Variants in GRIP1 observed in about 807,000 individuals in gnomAD.
GRIP1 encodes the protein glutamate receptor-interacting protein 1.
A neutral mutation model predicts 129.9 loss-of-function variants in GRIP1; 45 were observed. That is an observed-to-expected ratio of 0.35 (90% CI 0.27 to 0.44). The LOEUF is 0.44. Among genes scored for constraint, GRIP1 ranks in the 20% least tolerant of loss-of-function variants. GRIP1 has a pLI of 1.00. For synonymous variants in GRIP1, 530 were observed against 520.8 expected, an observed-to-expected ratio of 1.02 and a Z score of -0.24; for missense variants, 1,196 against 1,396.8, an observed-to-expected ratio of 0.86 and a Z score of 2.29.
intron 1 of GRIP1, among the ~76,000 whole-genome samples, chr12:66,839,095 A>G (rs2039668849): frequency 6.6e-6 from 1 of 152,212 alleles, no homozygotes; most frequent in Non-Finnish European, 1.5e-5. Context: ...TATGAAAAAA[A>G]TTAGACTAAT....
At chr12:66,832,730 C>T (rs2039540493) in intron 1 of GRIP1, among the ~76,000 whole-genome samples, 1 of 152,072 alleles carries the variant, frequency 6.6e-6, no homozygotes, top group Non-Finnish European at 1.5e-5. Flanking sequence ...TGGCCTTAGG[C>T]AAATCTTTAA....
intron 1 of GRIP1, among the ~76,000 whole-genome samples, chr12:66,689,592 A>AAT (rs754259407): frequency 3.3e-5 from 5 of 152,248 alleles, no homozygotes; most frequent in South Asian, 2.1e-4. Context: ...ATGATGATTT[A>AAT]ATATATATAT....
intron 1 of GRIP1, chr12:66,803,846 C>T (rs2038924617): frequency 7.6e-6 from 2 of 264,208 alleles, no homozygotes; most frequent in South Asian, 9.0e-5. Flanking sequence ...TGTGTACAGA[C>T]CTTGGCTGGT....
intron 1 of GRIP1, among the ~76,000 whole-genome samples, chr12:67,040,294 A>C (rs1241805088): frequency 6.6e-6 from 1 of 152,058 alleles, no homozygotes; most frequent in Non-Finnish European, 1.5e-5. Context: ...TTCTGAAGTA[A>C]TCTTCCACTC....
chr12:67,012,689 C>G (rs565517333), intron 1 of GRIP1, among the ~76,000 whole-genome samples: 4 of 152,270 alleles, frequency 2.6e-5, no homozygotes, highest in Admixed American at 2.6e-4. Context: ...GAACCAGAAG[C>G]AGAAGCCAGC....
chr12:66,672,713 C>T (rs1192351859), intron 1 of GRIP1, among the ~76,000 whole-genome samples: 1 of 151,984 alleles, frequency 6.6e-6, no homozygotes, highest in East Asian at 1.9e-4. Context: ...ATTTTGCCTC[C>T]TCTCAAATAG....
rs533865107 is a variant in GRIP1, at chr12:66,573,019, T to C, written c.136+23828A>G. On this transcript the variant is annotated intron_variant, in intron 2 of 24. Transcript: ENST00000359742. ...CAGTAGATATGGCAAAGCTTCCAGA[T>C]GCATGTTGTTATATATATGCCGACT... Among the ~76,000 whole-genome samples the C allele has an allele frequency of 2.6e-5, 4 of 152,128 alleles. No individual in the cohort carries two copies. The South Asian group carries it at 8.3e-4, about 32-fold the overall frequency.
chr12:66,784,890 T>A (rs1335016542), intron 1 of GRIP1, among the ~76,000 whole-genome samples: 3 of 152,132 alleles, frequency 2.0e-5, no homozygotes, highest in Non-Finnish European at 2.9e-5. Context: ...TAGTCATTCT[T>A]CTCTGGCAGT....
chr12:66,757,391 T>C (rs1300639643), intron 1 of GRIP1, among the ~76,000 whole-genome samples: 2 of 152,178 alleles, frequency 1.3e-5, no homozygotes, highest in African/African-American at 4.8e-5. Flanking sequence ...GTTCTATCCA[T>C]GTTATTGCAA....
rs1039556832 is a variant in GRIP1, at chr12:66,824,903, T to C, written c.59-227976A>G. On this transcript the variant is annotated intron_variant, in intron 1 of 1. Coordinates refer to the GRIP1 transcript ENST00000643019. ...TCCTTTACTTCATGTTGGACTTTCA[T>C]TAGCTTAGTCTAAAAGAGGCCATTT... Among the ~76,000 whole-genome samples, 2 of 152,198 alleles carry C rather than the reference T, an allele frequency of 1.3e-5. 1 individual carries two copies. Among genetic ancestry groups the C allele is most frequent in the African/African-American group, 4.8e-5 (2 of 41,452 alleles).
At chr12:66,516,703 T>G (rs2060853798) in intron 6 of GRIP1, among the ~76,000 whole-genome samples, 1 of 151,974 alleles carries the variant, frequency 6.6e-6, no homozygotes, top group Admixed American at 6.6e-5. Context: ...TCAGGAAGAG[T>G]GATTCACTAG....
At chr12:66,884,402 C>T (rs909858689) in intron 1 of GRIP1, among the ~76,000 whole-genome samples, 3 of 152,106 alleles carry the variant, frequency 2.0e-5, no homozygotes, top group Non-Finnish European at 2.9e-5. Flanking sequence ...GGCTAGAAAA[C>T]GAGACTATTA....
Position 66,428,889 on chromosome 12 carries a change from G to C in GRIP1, c.1768+3659C>G, listed in dbSNP as rs540012137. On this transcript the variant is annotated intron_variant, in intron 14 of 24. Transcript: ENST00000359742. Reference sequence around the variant, plus strand: ...AATCAGGATTCGCTGACTCGAAAGAGAGGTGGGCTGTGAGGAAGGTGTGAG... The same window carrying C: ...AATCAGGATTCGCTGACTCGAAAGACAGGTGGGCTGTGAGGAAGGTGTGAG... Among the ~76,000 whole-genome samples the C allele has an allele frequency of 5.3e-5, 8 of 152,354 alleles. No individual in the cohort carries two copies. In the South Asian group the frequency reaches 1.7e-3, roughly 32 times the overall value.
chr12:66,723,491 T>G (rs1159887470), intron 1 of GRIP1, among the ~76,000 whole-genome samples: 1 of 151,558 alleles, frequency 6.6e-6, no homozygotes, highest in African/African-American at 2.4e-5. Context: ...CTTTGTATTT[T>G]TAGTAGAGAT....
intron 2 of GRIP1, among the ~76,000 whole-genome samples, chr12:66,565,815 T>C (rs1037447907): frequency 2.1e-4 from 32 of 152,322 alleles, no homozygotes; most frequent in African/African-American, 6.7e-4. Flanking sequence ...CAGTGGTTTG[T>C]AGTTCTCCTT....
At chr12:66,849,594 TGACAGAG>T (rs2039876296) in intron 1 of GRIP1, among the ~76,000 whole-genome samples, 1 of 152,094 alleles carries the variant, frequency 6.6e-6, no homozygotes, top group Non-Finnish European at 1.5e-5. Flanking sequence ...GCAGCCTAGG[TGACAGAG>T]CATGACCCTG....
intron 1 of GRIP1, among the ~76,000 whole-genome samples, chr12:66,781,914 T>C (rs1029565224): frequency 6.6e-6 from 1 of 152,196 alleles, no homozygotes; most frequent in African/African-American, 2.4e-5. Context: ...GACCTAGCAA[T>C]TCCACTCCAA....
intron 1 of GRIP1, among the ~76,000 whole-genome samples, chr12:66,959,401 C>T (rs2041890177): frequency 6.6e-6 from 1 of 152,006 alleles, no homozygotes; most frequent in Non-Finnish European, 1.5e-5. Flanking sequence ...AAAAAAAAAG[C>T]GGGTGATGTA....
intron 2 of GRIP1, chr12:66,563,921 C>G (rs935703959): frequency 4.6e-5 from 7 of 152,592 alleles, no homozygotes; most frequent in Non-Finnish European, 1.0e-4. Flanking sequence ...GCTTACTGCC[C>G]TGGCCATCAG....
Sources: allele counts gnomAD v4.1 joint callset (sites outside exome capture counted in the v4.1 genomes callset), GRCh38; gene constraint gnomAD v4.1.1; transcripts MANE v1.5; gene names NCBI Gene and HGNC (gene_info 2026-07-23, HGNC 2026-07-21).